Variants in CFAP74 observed in about 807,000 individuals in gnomAD.
CFAP74 encodes cilia and flagella associated protein 74.
A neutral mutation model predicts 188.9 loss-of-function variants in CFAP74; 124 were observed. That is an observed-to-expected ratio of 0.66 (90% CI 0.57 to 0.76). CFAP74 has a LOEUF of 0.76. Ranked by LOEUF, CFAP74 falls within the 30% of genes least tolerant of loss-of-function variation. The pLI is 0.00. For synonymous variants in CFAP74, 956 were observed against 916.7 expected (o/e 1.04, Z -0.77); for missense variants, 2,198 against 2,165.2 (o/e 1.02, Z -0.30).
At position 1,930,247 on chromosome 1, in the gene CFAP74, T is replaced by C. The variant is rs1652263335; in HGVS notation, c.3101A>G (p.Tyr1034Cys). 3.1e-5 allele frequency: 48 copies of C among 1,535,456 alleles called. No homozygotes were observed. Among genetic ancestry groups the C allele is most frequent in the Non-Finnish European group, 4.0e-5 (46 of 1,146,682 alleles). The change falls in exon 26 of 39, where the codon TAC becomes TGC. Residue 1034 changes from tyrosine to cysteine, a missense_variant. Tyr to Cys is a radical substitution (Grantham distance 194). Transcript: ENST00000682832. ...YQIKFAATALYDTSVATVYVI... is the reference protein window; with the variant it reads ...YQIKFAATALCDTSVATVYVI... ...GTACACTGTAGCCACGGAGGTGTCG[T>C]ATAGGGCCGTGGCGGCAAACTTGAT...
chr1:1,987,136 C>A (rs1657292248), intron 4 of CFAP74, 101 bp from the exon 5 acceptor site: 15 of 859,798 alleles, frequency 1.7e-5, no homozygotes, highest in Non-Finnish European at 2.8e-5. Context: ...AGAGCCAGAC[C>A]CCCAGAGCCC....
intron 21 of CFAP74, 86 bp downstream of exon 21, chr1:1,944,245 G>C: frequency 6.7e-7 from 1 of 1,493,702 alleles, no homozygotes; most frequent in Non-Finnish European, 8.9e-7. Context: ...GTGGACAGGA[G>C]GGGGCTCACC....
At chr1:1,927,504 TC>T in intron 28 of CFAP74, 102 bp downstream of exon 28, 1 of 1,139,956 alleles carries the variant, frequency 8.8e-7, no homozygotes, top group Non-Finnish European at 1.2e-6. Flanking sequence ...GCCACATGGG[TC>T]ATTCCGGGCA....
intron 25 of CFAP74, 128 bp downstream of exon 25, chr1:1,938,727 C>T: frequency 8.8e-7 from 1 of 1,136,976 alleles, no homozygotes; most frequent in Non-Finnish European, 1.2e-6. Context: ...GGCAGTGCTG[C>T]CCAGCCCAGC....
Position 1,927,751 on chromosome 1 carries a change from G to T in CFAP74, c.3388-5C>A, listed in dbSNP as rs573093190. The T allele has an allele frequency of 1.9e-5, 30 of 1,548,462 alleles. No homozygotes were observed. Among genetic ancestry groups the T allele is most frequent in the East Asian group, 7.3e-5 (3 of 40,894 alleles). ...GGGGGCCATATTCTTTCGGAACTGTGGGGGGAGCGACTGGCTGTGGGGCTG... is the reference window on the plus strand; with the variant it reads ...GGGGGCCATATTCTTTCGGAACTGTTGGGGGAGCGACTGGCTGTGGGGCTG... On this transcript the variant is annotated splice_region_variant and splice_polypyrimidine_tract_variant and intron_variant, in intron 27 of 38. Transcript: ENST00000682832.
rs1320864215 is a variant in CFAP74, at chr1:1,974,020, C to T, written c.674+5G>A. 6.4e-7 allele frequency: 1 copy of T among 1,555,578 alleles called. No homozygotes were observed. Among genetic ancestry groups the T allele is most frequent in the South Asian group, 1.2e-5 (1 of 84,994 alleles). On this transcript the variant is annotated splice_donor_5th_base_variant and intron_variant, in intron 7 of 38. Coordinates refer to ENST00000682832, the MANE Select transcript of CFAP74 (RefSeq NM_001304360.2). ...GGGATGGAGGTGGGCCTGGGTGTCG[C>T]CTACCTGATCCTCAGCAGTCGGTTC... is the stretch of plus-strand genomic sequence containing the variant.
chr1:1,946,073 A>C (rs969580980), intron 20 of CFAP74, among the ~76,000 whole-genome samples: 1 of 152,084 alleles, frequency 6.6e-6, no homozygotes, highest in South Asian at 2.1e-4. Flanking sequence ...ATGTGTATAC[A>C]TGCATGTTTT....
At chr1:1,955,384 C>G in intron 18 of CFAP74, 1 of 1,379,490 alleles carries the variant, frequency 7.2e-7, no homozygotes. Context: ...CCCGGCCCCT[C>G]CAGGGGGCAC....
chr1:1,946,183 G>A lies in CFAP74; in HGVS notation c.2364+134C>T. 3.6e-6 allele frequency: 4 copies of A among 1,126,668 alleles called. No homozygotes were observed. The South Asian group carries it at 6.4e-5, about 18-fold the overall frequency. The allele number at this position is 1,126,668 out of a possible 1,614,324, so 69.8% of individuals were successfully genotyped here. A position where few individuals can be genotyped will look rare whatever the true frequency, so the allele number is the denominator to read the frequency against. On this transcript the variant is annotated intron_variant, in intron 20 of 38. Transcript: ENST00000682832. ...GCGTGCGTGTGTTGTAAACTGTGGTGCCAACCATCCGTGCCACCAACTGGC... is the reference window on the plus strand; with the variant it reads ...GCGTGCGTGTGTTGTAAACTGTGGTACCAACCATCCGTGCCACCAACTGGC...
chr1:1,939,015 C>G, intron 24 of CFAP74, 27 bp from the exon 25 acceptor site: 1 of 1,533,364 alleles, frequency 6.5e-7, no homozygotes, highest in East Asian at 2.4e-5. Context: ...GCTCTGAGGG[C>G]ATGTCACGGG....
intron 25 of CFAP74, among the ~76,000 whole-genome samples, chr1:1,932,592 CT>C (rs1204924456): frequency 1.3e-5 from 2 of 150,178 alleles, no homozygotes; most frequent in African/African-American, 2.4e-5. Flanking sequence ...TTTTTTCTTT[CT>C]TTTTTTCTTT....
At chr1:1,993,900 T>C (rs548206646) in intron 1 of CFAP74, among the ~76,000 whole-genome samples, 226 of 150,694 alleles carry the variant, frequency 1.5e-3, no homozygotes, top group Non-Finnish European at 2.8e-3. Flanking sequence ...GAGAATGGCG[T>C]GAACCCGGGA....
intron 18 of CFAP74, among the ~76,000 whole-genome samples, chr1:1,948,699 C>T (rs542068814): frequency 1.3e-5 from 2 of 151,042 alleles, no homozygotes; most frequent in South Asian, 2.1e-4. Context: ...AGCGATCCTC[C>T]CGGCTCAGCA....
Position 1,926,503 on chromosome 1 carries a change from C to T in CFAP74, c.3782G>A (p.Ser1261Asn). Residue 1261 changes from serine to asparagine, a missense_variant, in exon 31 of 39, where the codon AGT becomes AAT. Ser to Asn is a conservative substitution (Grantham distance 46, BLOSUM62 1). Transcript: ENST00000682832. ...GTTCTGGATGGAGATCTTCTTGATA[C>T]TGCGGTGCCCTGAAATGGGGCAGGG... ...NFGDVAVGHR[S>N]IKKISIQNVS... is the part of the protein sequence containing the mutation. 6.5e-7 allele frequency: 1 copy of T among 1,550,162 alleles called. No individual in the cohort carries two copies. The highest frequency in any genetic ancestry group is 1.2e-5 in the South Asian group (1 of 84,060).
chr1:1,968,727 C>T lies in CFAP74; in HGVS notation c.1153G>A (p.Ala385Thr). The change falls in exon 11 of 39, where the codon GCC (alanine) becomes ACC (threonine). Residue 385 changes from alanine (A) to threonine (T), a missense_variant. Transcript: ENST00000682832. This position sits in a 1 kb window ranked among gnomAD's most constrained non-coding sequence, Gnocchi z 4.3. The stretch of plus-strand genomic sequence containing the variant: ...TCCCTCAGGGTCAGCCGGTGCCTGG[C>T]ACTGGTGGGGGGATGCTGTTTCTTC... The part of the protein sequence containing the change: ...KRKKQHPPTS[A>T]RHRLTLRDKT... 5 of 1,614,094 alleles carry T rather than the reference C, an allele frequency of 3.1e-6. No homozygotes were observed. Among genetic ancestry groups the T allele is most frequent in the Non-Finnish European group, 4.2e-6 (5 of 1,179,974 alleles).
At chr1:1,955,389 G>A in intron 18 of CFAP74, 2 of 1,387,674 alleles carry the variant, frequency 1.4e-6, no homozygotes, top group South Asian at 1.2e-5. Context: ...CCCCTCCAGG[G>A]GGCACCGCAG....
At chr1:2,003,399 A>T (rs1222520968) in intron 1 of CFAP74, among the ~76,000 whole-genome samples, 1 of 152,164 alleles carries the variant, frequency 6.6e-6, no homozygotes, top group African/African-American at 2.4e-5. Context: ...GACACTCACG[A>T]GTCTTAACTG....
intron 18 of CFAP74, chr1:1,954,823 C>T (rs912666776): frequency 1.5e-5 from 17 of 1,128,656 alleles, no homozygotes; most frequent in African/African-American, 5.0e-5. Flanking sequence ...GCCAGTGAGG[C>T]TGGCTATGCC....
chr1:1,963,689 A>G, intron 14 of CFAP74, 60 bp downstream of exon 14: 1 of 1,046,486 alleles, frequency 9.6e-7, no homozygotes, highest in Admixed American at 1.9e-5. Context: ...ACATGAAGGG[A>G]CCTATGAACC....
Sources: allele counts gnomAD v4.1 joint callset (sites outside exome capture counted in the v4.1 genomes callset), GRCh38; gene constraint gnomAD v4.1.1; non-coding constraint Gnocchi (gnomAD v3.1); transcripts MANE v1.5; gene names NCBI Gene and HGNC (gene_info 2026-07-23, HGNC 2026-07-21).